NRXN1: variants seen among roughly 807,000 people sequenced by gnomAD.
NRXN1 encodes the protein neurexin-1.
A neutral mutation model predicts 150.9 loss-of-function variants in NRXN1; 39 were observed. That is an observed-to-expected ratio of 0.26 (90% CI 0.20 to 0.34). The LOEUF (loss-of-function observed/expected upper bound fraction) is 0.34, where lower values mean the gene tolerates loss of function less well. Among genes scored for constraint, NRXN1 ranks in the 10% least tolerant of loss-of-function variants. The pLI is 1.00. For synonymous variants in NRXN1, 924 were observed against 757.0 expected, an observed-to-expected ratio of 1.22 and a Z score of -3.62; for missense variants, 1,815 against 1,949.9, an observed-to-expected ratio of 0.93 and a Z score of 1.30.
At chr2:50,302,885 A>T (rs2074287079) in intron 17 of NRXN1, among the ~76,000 whole-genome samples, 1 of 151,116 alleles carries the variant, frequency 6.6e-6, no homozygotes. Context: ...ATAAATCTGC[A>T]TTCATTTATT....
chr2:51,019,362 A>G (rs1433993807), intron 2 of NRXN1, among the ~76,000 whole-genome samples: 1 of 152,110 alleles, frequency 6.6e-6, no homozygotes, highest in African/African-American at 2.4e-5. Flanking sequence ...TACACTGCAT[A>G]ATGCCTTTCA....
At chr2:50,166,899 G>C (rs2059721460) in intron 18 of NRXN1, among the ~76,000 whole-genome samples, 1 of 152,152 alleles carries the variant, frequency 6.6e-6, no homozygotes, top group Non-Finnish European at 1.5e-5. Context: ...TAAAACATTT[G>C]TTGAGGGTAG....
At chr2:50,054,621 G>A (rs1693310614) in intron 20 of NRXN1, among the ~76,000 whole-genome samples, 1 of 151,968 alleles carries the variant, frequency 6.6e-6, no homozygotes, top group Non-Finnish European at 1.5e-5. Context: ...TTTAGAGGCT[G>A]GAACATGTAA....
chr2:50,515,876 T>C (rs2092616913), intron 12 of NRXN1, among the ~76,000 whole-genome samples: 1 of 152,124 alleles, frequency 6.6e-6, no homozygotes, highest in Non-Finnish European at 1.5e-5. Context: ...CAGTACTTCC[T>C]ACCTACAAAT....
intron 17 of NRXN1, among the ~76,000 whole-genome samples, chr2:50,356,081 T>C (rs541639316): frequency 6.6e-6 from 1 of 151,852 alleles, no homozygotes; most frequent in East Asian, 1.9e-4. Flanking sequence ...AAAAAGAAAG[T>C]ACTGCCAAGC....
chr2:50,507,237 G>A (rs1182011918), intron 12 of NRXN1, among the ~76,000 whole-genome samples: 1 of 152,116 alleles, frequency 6.6e-6, no homozygotes, highest in Non-Finnish European at 1.5e-5. Context: ...GGAATGTTGA[G>A]TCTAAAAAAC....
intron 18 of NRXN1, among the ~76,000 whole-genome samples, chr2:50,233,494 T>A (rs867188765): frequency 7.9e-5 from 12 of 152,070 alleles, no homozygotes; most frequent in African/African-American, 2.7e-4. Flanking sequence ...TCAGATTTTT[T>A]AAATTATCTA....
chr2:49,924,112 A>G (rs547598465), intron 22 of NRXN1, among the ~76,000 whole-genome samples: 1 of 152,360 alleles, frequency 6.6e-6, no homozygotes, highest in South Asian at 2.1e-4. Context: ...AAGTGTGCCA[A>G]TTAACTCAGC....
intron 17 of NRXN1, among the ~76,000 whole-genome samples, chr2:50,388,845 A>AT (rs2081497531): frequency 6.6e-6 from 1 of 151,864 alleles, no homozygotes; most frequent in Admixed American, 6.6e-5. Context: ...TCTCTGATTG[A>AT]TTTTATGCAA....
chr2:50,170,078 T>A (rs1239246725), intron 18 of NRXN1, among the ~76,000 whole-genome samples: 1 of 152,000 alleles, frequency 6.6e-6, no homozygotes, highest in Non-Finnish European at 1.5e-5. Context: ...TACTTCTATA[T>A]AATAAAAGTT....
chr2:49,935,511 G>C (rs1286157176), intron 22 of NRXN1, among the ~76,000 whole-genome samples: 1 of 152,028 alleles, frequency 6.6e-6, no homozygotes, highest in African/African-American at 2.4e-5. Flanking sequence ...ATAACATTTT[G>C]TTTATGAGTA....
At chr2:50,992,372 C>T (rs561080373) in intron 2 of NRXN1, among the ~76,000 whole-genome samples, 2 of 151,952 alleles carry the variant, frequency 1.3e-5, no homozygotes, top group Non-Finnish European at 2.9e-5. Flanking sequence ...TGTAAATATT[C>T]TACCCTCAAA....
In NRXN1 at chr2:49,921,990, C is replaced by T. The variant is rs754867240; in HGVS notation, c.4478G>A (p.Ser1493Asn). The T allele has an allele frequency of 3.7e-6, 6 of 1,614,048 alleles. No homozygotes were observed. The South Asian group carries it at 6.6e-5, about 18-fold the overall frequency. The part of the protein sequence containing the change: ...VKEKQPSSAK[S>N]SNKNKKNKDK... ...CTTGTTTTTCTTATTTTTGTTGGAGCTTTTCGCACTGCTGGGTTGTTTCTC... is the reference window on the plus strand; with the variant it reads ...CTTGTTTTTCTTATTTTTGTTGGAGTTTTTCGCACTGCTGGGTTGTTTCTC... The change falls in exon 23 of 23, where the codon AGC becomes AAC. Residue 1493 changes from serine to asparagine, a missense_variant. By Grantham distance (46) the Ser-to-Asn change is conservative. Around this residue, in one of 6 missense-constraint regions of NRXN1, gnomAD observed 265 missense variants for 307.1 expected, o/e 0.86. Coordinates refer to ENST00000401669, the MANE Select transcript of NRXN1 (RefSeq NM_001330078.2).
intron 17 of NRXN1, among the ~76,000 whole-genome samples, chr2:50,462,904 A>G (rs189154753): frequency 2.6e-5 from 4 of 151,910 alleles, no homozygotes; most frequent in Admixed American, 1.3e-4. Context: ...GACATTTAGA[A>G]ATTCTATTTT....
At chr2:49,995,673 C>T (rs1200351137) in intron 21 of NRXN1, among the ~76,000 whole-genome samples, 2 of 145,894 alleles carry the variant, frequency 1.4e-5, no homozygotes, top group Non-Finnish European at 3.0e-5. Context: ...CCCAGCTACT[C>T]GGGAGGCTGA....
chr2:50,785,620 G>A (rs538186204), intron 5 of NRXN1, among the ~76,000 whole-genome samples: 28 of 152,146 alleles, frequency 1.8e-4, no homozygotes, highest in Non-Finnish European at 3.4e-4. Flanking sequence ...TAATACAGAG[G>A]GTTTTGTTGA....
At chr2:50,323,839 G>A (rs1390834062) in intron 17 of NRXN1, among the ~76,000 whole-genome samples, 1 of 152,098 alleles carries the variant, frequency 6.6e-6, no homozygotes, top group African/African-American at 2.4e-5. Context: ...GTTGACCAAA[G>A]TATTACTTCA....
At chr2:50,061,242 T>A (rs770402917) in intron 19 of NRXN1, among the ~76,000 whole-genome samples, 1 of 152,232 alleles carries the variant, frequency 6.6e-6, no homozygotes, top group Admixed American at 6.5e-5. Flanking sequence ...CATTGTTCAA[T>A]ATACATCTAG....
At chr2:50,447,737 T>TTTTTTATATATATATATATATATATATA (rs1208594855) in intron 17 of NRXN1, among the ~76,000 whole-genome samples, 1 of 37,934 alleles carries the variant, frequency 2.6e-5, no homozygotes, top group East Asian at 2.0e-3. Context: ...CAGGGGAACG[T>TTTTTTATATATATATATATATATATATA]TATATATATA....
Sources: allele counts gnomAD v4.1 joint callset (sites outside exome capture counted in the v4.1 genomes callset), GRCh38; gene constraint gnomAD v4.1.1; regional missense constraint gnomAD v4.1.1; transcripts MANE v1.5; gene names NCBI Gene and HGNC (gene_info 2026-07-23, HGNC 2026-07-21).